Variants in MCM10 observed in about 807,000 individuals in gnomAD.
MCM10 encodes minichromosome maintenance 10 replication initiation factor, also known as protein MCM10 homolog.
Under a neutral mutation model 109.9 loss-of-function variants are expected in MCM10, and 91 were observed. The ratio of observed to expected loss-of-function variants is 0.83; its 90% CI spans 0.70 to 0.99. The LOEUF (loss-of-function observed/expected upper bound fraction) is 0.99. Ranked by LOEUF, MCM10 falls within the 50% of genes least tolerant of loss-of-function variation. The probability of loss-of-function intolerance (pLI) is 0.00; values close to 1 mark genes in which losing one functional copy is unlikely to be tolerated. For missense variants in MCM10, 1,077 were observed against 1,061.2 expected, an observed-to-expected ratio of 1.01 and a Z score of -0.21; for synonymous variants, 380 against 387.2, an observed-to-expected ratio of 0.98 and a Z score of 0.22.
chr10:13,193,998 G>C lies in MCM10; in HGVS notation c.1746-1043G>C, dbSNP rs189996465. 4.8e-4 allele frequency among the ~76,000 whole-genome samples: 73 copies of C among 152,248 alleles called. 1 individual carries two copies. In the East Asian group the frequency reaches 0.012, roughly 24 times the overall value. ...GCCCTTGTGAGTAATGTGATCCTAG[G>C]CCTCAGTTTCTTCATCGATCAAATG... On this transcript the variant is annotated intron_variant, in intron 13 of 19. Transcript: ENST00000378714.
At position 13,192,236 on chromosome 10, in the gene MCM10, T is replaced by C. The variant is rs531482117; in HGVS notation, c.1517-19T>C. The C allele has an allele frequency of 2.5e-5, 39 of 1,531,648 alleles. No individual in the cohort carries two copies. The highest frequency in any genetic ancestry group is 2.2e-4 in the South Asian group (20 of 89,036). 94.9% of individuals were successfully genotyped at this position (1,531,648 alleles called of 1,614,324 possible). A position where few individuals can be genotyped will look rare whatever the true frequency, so the allele number is the denominator to read the frequency against. On this transcript the variant is annotated intron_variant, in intron 11 of 19. Coordinates refer to ENST00000378714, the MANE Select transcript of MCM10 (RefSeq NM_018518.5). ...CATCTGAATGTGAATCCTCTAAAGC[T>C]GGTGTTGACCTGGCACAGGAATACC... is the stretch of plus-strand genomic sequence containing the variant.
chr10:13,172,767 T>C lies in MCM10; in HGVS notation c.592+2T>C. 1 of 1,613,962 alleles carries C rather than the reference T, an allele frequency of 6.2e-7. No homozygotes were observed. The highest frequency in any genetic ancestry group is 8.5e-7 in the Non-Finnish European group (1 of 1,179,990). The stretch of plus-strand genomic sequence containing the variant: ...GAACACCAAAGGCTTCACCTCCAGG[T>C]GTAGTACTTGCGGTCTCAGTATCTT... On this transcript the variant is annotated splice_donor_variant, in intron 5 of 19. Coordinates refer to ENST00000378714, the MANE Select transcript of MCM10 (RefSeq NM_018518.5). LOFTEE classifies it high-confidence loss of function. The surrounding 1 kb of genome is among the most constrained non-coding windows in gnomAD (Gnocchi z 5.2).
In MCM10 at chr10:13,197,659, G is replaced by T; in HGVS notation, c.2011G>T (p.Val671Phe). 6.2e-7 allele frequency: 1 copy of T among 1,613,934 alleles called. No individual in the cohort carries two copies. The highest frequency in any genetic ancestry group is 8.5e-7 in the Non-Finnish European group (1 of 1,179,962). Reference sequence around the variant, plus strand: ...CACCAAATTAAGGGCAAAAGGCCAGGTTCTTACAAAAACAAACCCAAACAG... The same window carrying T: ...CACCAAATTAAGGGCAAAAGGCCAGTTTCTTACAAAAACAAACCCAAACAG... ...AITKLRAKGQ[V>F]LTKTNPNSIK... The change falls in exon 15 of 20, where the codon GTT (valine) becomes TTT (phenylalanine). Residue 671 changes from valine (V) to phenylalanine (F), a missense_variant. By Grantham distance (50) the Val-to-Phe change is conservative (BLOSUM62 -1). Coordinates refer to ENST00000378714, the MANE Select transcript of MCM10 (RefSeq NM_018518.5).
intron 10 of MCM10, 93 bp downstream of exon 10, chr10:13,189,173 C>G (rs1564388291): frequency 7.5e-7 from 1 of 1,326,504 alleles, no homozygotes. Context: ...TCATAGGATA[C>G]TTGTACAGGT....
intron 14 of MCM10, 92 bp downstream of exon 14, chr10:13,195,361 C>T (rs1158980125): frequency 2.8e-5 from 26 of 922,830 alleles, no homozygotes; most frequent in Non-Finnish European, 3.9e-5. Context: ...CTTTATTGAT[C>T]GTGATCATTA....
At chr10:13,183,212 T>G (rs370854778) in intron 8 of MCM10, 112 bp downstream of exon 8, 4 of 1,231,698 alleles carry the variant, frequency 3.2e-6, no homozygotes, top group East Asian at 4.7e-5. Flanking sequence ...TCCTAACACT[T>G]TGGGGAGGCC....
Position 13,209,962 on chromosome 10 carries a change from G to T in MCM10, c.*652G>T, listed in dbSNP as rs1162706714. The stretch of plus-strand genomic sequence containing the variant: ...AGCCACTGAATCACTTTGCATTTCA[G>T]TTTATATATATAGAGAGAAAGAAGG... On this transcript the variant is annotated 3_prime_UTR_variant, in exon 20 of 20. Coordinates refer to ENST00000378714, the MANE Select transcript of MCM10 (RefSeq NM_018518.5). 8.6e-6 allele frequency: 1 copy of T among 116,168 alleles called. No individual in the cohort carries two copies. The highest frequency in any genetic ancestry group is 3.1e-5 in the African/African-American group (1 of 31,776). 7.2% of individuals were successfully genotyped at this position (116,168 alleles called of 1,614,324 possible).
At chr10:13,180,386 G>A in intron 6 of MCM10, 56 bp from the exon 7 acceptor site, 1 of 1,490,222 alleles carries the variant, frequency 6.7e-7, no homozygotes, top group African/African-American at 1.4e-5. Flanking sequence ...CTGCTAAGGT[G>A]CCAGGTAATT....
chr10:13,192,306 A>G lies in MCM10; in HGVS notation c.1568A>G (p.Asp523Gly). Residue 523 changes from aspartate to glycine, a missense_variant, in exon 12 of 20, where the codon GAC (aspartate) becomes GGC (glycine). Transcript: ENST00000378714. ...SCSEEFKELM[D>G]LPTCGARNLK... ...TCTGAGGAGTTCAAGGAACTGATGG[A>G]CCTGCCGACGTGTGGAGCCAGGAAC... 3 of 1,614,162 alleles carry G rather than the reference A, an allele frequency of 1.9e-6. No individual in the cohort carries two copies. Among genetic ancestry groups the G allele is most frequent in the South Asian group, 2.2e-5 (2 of 91,076 alleles).
rs146982076 is a variant in MCM10 at position 13,192,486 on chromosome 10, A to G, written c.1663A>G (p.Ile555Val). 8.6e-5 allele frequency: 139 copies of G among 1,614,174 alleles called. No homozygotes were observed. Among genetic ancestry groups the G allele is most frequent in the Non-Finnish European group, 9.7e-5 (114 of 1,180,036 alleles). ...MGSPKPAIKS[I>V]SASALLKQQK... ...GAGCCCAAAACCAGCCATCAAGTCC[A>G]TCTCGGCCTCAGCACTCTTGAAGCA... The change falls in exon 13 of 20, where the codon ATC (isoleucine) becomes GTC (valine). Residue 555 changes from isoleucine (I) to valine (V), a missense_variant. Coordinates refer to ENST00000378714, the MANE Select transcript of MCM10 (RefSeq NM_018518.5).
At chr10:13,201,715 G>A in intron 17 of MCM10, 181 bp downstream of exon 17, 1 of 590,586 alleles carries the variant, frequency 1.7e-6, no homozygotes, top group South Asian at 2.0e-5. Flanking sequence ...TGGCTGCTGT[G>A]CTCTGCTGAT....
chr10:13,195,341 C>T (rs1395771804), intron 14 of MCM10, 72 bp downstream of exon 14: 1 of 1,092,614 alleles, frequency 9.2e-7, no homozygotes, highest in Non-Finnish European at 1.3e-6. Flanking sequence ...AAGACAGACA[C>T]CTAATAGCTC....
At position 13,196,473 on chromosome 10, in the gene MCM10, G is replaced by T. The variant is rs547426885; in HGVS notation, c.1975-1150G>T. On this transcript the variant is annotated intron_variant, in intron 14 of 19. Transcript: ENST00000378714. Reference sequence around the variant, plus strand: ...CATGTCCATATTACTCAGTACTTGTGATATGTGTGTGCCATGTATTTACTA... The same window carrying T: ...CATGTCCATATTACTCAGTACTTGTTATATGTGTGTGCCATGTATTTACTA... Among the ~76,000 whole-genome samples, 364 of 152,014 alleles carry T rather than the reference G, an allele frequency of 2.4e-3. 1 individual carries two copies. Among genetic ancestry groups the T allele is most frequent in the Admixed American group, 4.8e-3 (73 of 15,250 alleles).
intron 17 of MCM10, among the ~76,000 whole-genome samples, chr10:13,203,463 C>A (rs1335997395): frequency 6.6e-6 from 1 of 152,162 alleles, no homozygotes; most frequent in Non-Finnish European, 1.5e-5. Context: ...AGCCTCGATT[C>A]CCCTTCCCTC....
chr10:13,195,083 A>G lies in MCM10; in HGVS notation c.1788A>G (p.Pro596=), dbSNP rs763519743. The change falls in exon 14 of 20, where the codon CCA becomes CCG. Residue 596 remains proline (P), a synonymous_variant. Transcript: ENST00000378714. ...SSSEVESPAV[P]SSSRQPPAQP... is the part of the protein sequence containing the mutation. ...GTGAAGTTGAGAGCCCAGCTGTGCC[A>G]TCTTCATCAAGACAGCCCCCTGCTC... The G allele has an allele frequency of 1.9e-6, 3 of 1,614,194 alleles. No homozygotes were observed. The highest frequency in any genetic ancestry group is 1.7e-5 in the Admixed American group (1 of 60,022).
chr10:13,186,865 G>A (rs1217161902), intron 9 of MCM10, among the ~76,000 whole-genome samples: 5 of 152,052 alleles, frequency 3.3e-5, no homozygotes, highest in Non-Finnish European at 7.4e-5. Flanking sequence ...GGTGGTGGGC[G>A]CCTGTAGTTC....
At chr10:13,198,850 C>T (rs1834458974) in intron 16 of MCM10, 43 bp downstream of exon 16, 1 of 1,270,774 alleles carries the variant, frequency 7.9e-7, no homozygotes, top group Non-Finnish European at 1.1e-6. Flanking sequence ...TGTCCGATGT[C>T]CTTCAAAGCC....
chr10:13,198,284 T>C (rs1834449832), intron 15 of MCM10, among the ~76,000 whole-genome samples: 1 of 152,206 alleles, frequency 6.6e-6, no homozygotes, highest in South Asian at 2.1e-4. Context: ...TCATTGGATC[T>C]TTGTACATAT....
intron 9 of MCM10, among the ~76,000 whole-genome samples, chr10:13,187,545 C>T (rs1225778633): frequency 6.6e-6 from 1 of 152,172 alleles, no homozygotes; most frequent in African/African-American, 2.4e-5. Flanking sequence ...TTTGGAGGAA[C>T]TGCCAGACTG....
Sources: gnomAD v4.1 joint callset for allele counts (sites outside exome capture counted in the v4.1 genomes callset) on GRCh38, gnomAD v4.1.1 for gene constraint, Gnocchi (gnomAD v3.1) non-coding constraint, MANE v1.5 for transcripts, NCBI Gene and HGNC (gene_info 2026-07-23, HGNC 2026-07-21) for gene names.